Variants in ABI3BP observed in about 807,000 individuals in gnomAD.
ABI3BP encodes the protein target of Nesh-SH3.
Under a neutral mutation model 268.6 loss-of-function variants are expected in ABI3BP, and 216 were observed. The ratio of observed to expected loss-of-function variants is 0.80; its 90% CI spans 0.72 to 0.90. ABI3BP has a LOEUF of 0.90. Among genes scored for constraint, ABI3BP ranks in the 40% least tolerant of loss-of-function variants. ABI3BP has a pLI of 0.00. For synonymous variants in ABI3BP, 730 were observed against 730.0 expected (o/e 1.00, Z 0.00); for missense variants, 2,090 against 2,182.4 (o/e 0.96, Z 0.84).
chr3:100,900,317 T>C (rs1214408163), intron 3 of ABI3BP, among the ~76,000 whole-genome samples: 1 of 152,246 alleles, frequency 6.6e-6, no homozygotes, highest in African/African-American at 2.4e-5. Flanking sequence ...ATGATTGTGA[T>C]CTTCCCTTTT....
In ABI3BP at chr3:100,787,785, T is replaced by C; in HGVS notation, c.4105A>G (p.Thr1369Ala). The change falls in exon 57 of 68, where the codon ACA becomes GCA. Residue 1369 changes from threonine to alanine, a missense_variant. Transcript: ENST00000471714. ...HIRPVLNRTT[T>A]RPTRPKPSGM... ...CTGGGTTTGGGCCTAGTAGGTCTTG[T>C]AGTTGTCCTATTCAGAACTAAAATA... 6.5e-7 allele frequency: 1 copy of C among 1,530,672 alleles called. No individual in the cohort carries two copies. The highest frequency in any genetic ancestry group is 2.5e-5 in the East Asian group (1 of 40,792). The allele number at this position is 1,530,672 out of a possible 1,614,324, so 94.8% of individuals were successfully genotyped here.
At chr3:100,923,859 G>A (rs2061008227) in intron 2 of ABI3BP, among the ~76,000 whole-genome samples, 1 of 152,104 alleles carries the variant, frequency 6.6e-6, no homozygotes, top group Non-Finnish European at 1.5e-5. Context: ...AAACCATTAG[G>A]TGAAAATTTG....
At chr3:100,806,415 T>C (rs1241965391) in intron 50 of ABI3BP, among the ~76,000 whole-genome samples, 1 of 152,076 alleles carries the variant, frequency 6.6e-6, no homozygotes, top group Non-Finnish European at 1.5e-5. Flanking sequence ...CAACTATTTG[T>C]CTTTAAAATA....
chr3:100,762,249 C>T (rs2096009726), intron 63 of ABI3BP, among the ~76,000 whole-genome samples: 1 of 152,082 alleles, frequency 6.6e-6, no homozygotes, highest in African/African-American at 2.4e-5. Flanking sequence ...GCCTTAACAA[C>T]TTAAGGTAGT....
intron 2 of ABI3BP, among the ~76,000 whole-genome samples, chr3:100,921,141 C>A (rs1227790313): frequency 1.3e-5 from 2 of 152,224 alleles, no homozygotes; most frequent in African/African-American, 4.8e-5. Flanking sequence ...GGGTTAGCAG[C>A]TGTGAGAACA....
intron 2 of ABI3BP, among the ~76,000 whole-genome samples, 155 bp downstream of exon 2, chr3:100,926,147 A>G (rs909087400): frequency 1.3e-5 from 2 of 152,188 alleles, no homozygotes; most frequent in Non-Finnish European, 2.9e-5. Context: ...TTATGCTATG[A>G]GTTACAACAA....
intron 1 of ABI3BP, among the ~76,000 whole-genome samples, chr3:100,942,169 T>C (rs2069615339): frequency 6.6e-6 from 1 of 152,130 alleles, no homozygotes. Context: ...ATATGTCTGA[T>C]GGCAAAGACT....
chr3:100,882,519 T>G (rs2039886815), intron 6 of ABI3BP, among the ~76,000 whole-genome samples: 1 of 151,736 alleles, frequency 6.6e-6, no homozygotes, highest in Non-Finnish European at 1.5e-5. Flanking sequence ...TAAAATATCT[T>G]TTTAATGAAT....
chr3:100,753,091 T>A, intron 65 of ABI3BP, 143 bp from the exon 66 acceptor site: 1 of 671,848 alleles, frequency 1.5e-6, no homozygotes, highest in Non-Finnish European at 2.5e-6. Context: ...TAGAGGGATT[T>A]AAACAAGTAA....
intron 1 of ABI3BP, among the ~76,000 whole-genome samples, chr3:100,980,795 A>G (rs1000281184): frequency 6.6e-6 from 1 of 152,240 alleles, no homozygotes; most frequent in Non-Finnish European, 1.5e-5. Context: ...ACAGAAACTC[A>G]GTTCCATGGA....
At chr3:100,919,026 C>T (rs2153601272) in intron 2 of ABI3BP, among the ~76,000 whole-genome samples, 2 of 152,312 alleles carry the variant, frequency 1.3e-5, no homozygotes, top group East Asian at 3.9e-4. Flanking sequence ...GTCTGATATT[C>T]ACCCCTGGCA....
At chr3:100,941,524 T>C (rs60221527) in intron 1 of ABI3BP, among the ~76,000 whole-genome samples, 1,765 of 152,236 alleles carry the variant, frequency 0.012, 31 homozygotes, top group African/African-American at 0.039. Flanking sequence ...GGGCACTTTA[T>C]ATCTGTTTGC....
intron 1 of ABI3BP, among the ~76,000 whole-genome samples, chr3:100,986,828 A>G (rs1363501711): frequency 6.6e-6 from 1 of 152,208 alleles, no homozygotes; most frequent in Non-Finnish European, 1.5e-5. Flanking sequence ...AACACTTAGC[A>G]TTAAATATCA....
chr3:100,794,088 T>A (rs2097271441), intron 54 of ABI3BP, among the ~76,000 whole-genome samples: 1 of 152,048 alleles, frequency 6.6e-6, no homozygotes, highest in Admixed American at 6.6e-5. Context: ...CTTTGACTGG[T>A]CAACTTTCAT....
chr3:100,967,468 C>T (rs1002212343), intron 1 of ABI3BP, among the ~76,000 whole-genome samples: 4 of 146,744 alleles, frequency 2.7e-5, no homozygotes, highest in African/African-American at 1.0e-4. Flanking sequence ...AGCGCCGCTG[C>T]ACTCTAGCCT....
chr3:100,891,202 T>C (rs1030594314), intron 4 of ABI3BP, among the ~76,000 whole-genome samples: 1 of 152,184 alleles, frequency 6.6e-6, no homozygotes, highest in South Asian at 2.1e-4. Context: ...TGAATTGAAT[T>C]CTGACTCATC....
chr3:100,960,184 G>A (rs977892233), intron 1 of ABI3BP, among the ~76,000 whole-genome samples: 2 of 152,010 alleles, frequency 1.3e-5, no homozygotes, highest in African/African-American at 2.4e-5. Context: ...AAGAATCAAA[G>A]TGAAATATCA....
At chr3:100,792,409 T>A (rs1456381787) in intron 55 of ABI3BP, among the ~76,000 whole-genome samples, 2 of 151,534 alleles carry the variant, frequency 1.3e-5, no homozygotes, top group East Asian at 3.9e-4. Context: ...CAAATGAAGG[T>A]CAAATGTGTG....
At chr3:100,890,088 T>C (rs1582109016) in intron 4 of ABI3BP, among the ~76,000 whole-genome samples, 1 of 152,160 alleles carries the variant, frequency 6.6e-6, no homozygotes, top group African/African-American at 2.4e-5. Flanking sequence ...TTACACTAAG[T>C]GAAGAAATTG....
Sources: gnomAD v4.1 joint callset for allele counts (sites outside exome capture counted in the v4.1 genomes callset) on GRCh38, gnomAD v4.1.1 for gene constraint, MANE v1.5 for transcripts, NCBI Gene and HGNC (gene_info 2026-07-23, HGNC 2026-07-21) for gene names.